The following MBNL3 variants were observed in gnomAD, a reference collection of about 807,000 sequenced individuals.
MBNL3 encodes the protein muscleblind like splicing regulator 3.
Under a neutral mutation model 24.5 loss-of-function variants are expected in MBNL3, and 6 were observed. That is an observed-to-expected ratio of 0.25 (90% confidence interval 0.13 to 0.48). The LOEUF (loss-of-function observed/expected upper bound fraction) is 0.48, where lower values mean the gene tolerates loss of function less well. MBNL3 is among the 20% of genes least tolerant of loss of function. The pLI is 0.99. For synonymous variants in MBNL3, 100 were observed against 101.7 expected, an observed-to-expected ratio of 0.98 and a Z score of 0.10; for missense variants, 230 against 293.5, an observed-to-expected ratio of 0.78 and a Z score of 1.58.
intron 1 of MBNL3, among the ~76,000 whole-genome samples, chrX:132,461,403 TAA>T (rs1048696437): frequency 9.0e-6 from 1 of 111,634 alleles, no homozygotes; most frequent in Non-Finnish European, 1.9e-5. Flanking sequence ...CACACAAGGC[TAA>T]GATACCATGA....
intron 1 of MBNL3, among the ~76,000 whole-genome samples, chrX:132,443,486 C>T (rs927341248): frequency 8.0e-5 from 9 of 111,929 alleles, no homozygotes; most frequent in African/African-American, 2.3e-4. Context: ...TCATAATCTC[C>T]GTAAGTTGTG....
chrX:132,488,128 T>C (rs1948103699), intron 1 of MBNL3, among the ~76,000 whole-genome samples: 1 of 111,948 alleles, frequency 8.9e-6, no homozygotes. Context: ...TAAGAACATC[T>C]AGGAGAAAAT....
intron 3 of MBNL3, among the ~76,000 whole-genome samples, chrX:132,400,390 G>A (rs145178563): frequency 4.5e-5 from 5 of 111,274 alleles, no homozygotes; most frequent in South Asian, 3.8e-4. Flanking sequence ...TTGTTTTAAC[G>A]TAAAAGAAGC....
chrX:132,375,013 T>C lies in MBNL3; in HGVS notation c.*4653A>G, dbSNP rs2148006699. On this transcript the variant is annotated 3_prime_UTR_variant, in exon 9 of 9. Transcript: ENST00000370853. ...AACAAATTCTATAAACTATAAAGCC[T>C]GATTCTAGAATCCATGTGTTATAAA... The C allele has an allele frequency of 8.9e-6, 1 of 111,905 alleles. No homozygotes were observed. The highest frequency in any genetic ancestry group is 3.7e-4 in the South Asian group (1 of 2,724). 9.2% of individuals were successfully genotyped at this position (111,905 alleles called of 1,213,427 possible). A position where few individuals can be genotyped will look rare whatever the true frequency, so the allele number is the denominator to read the frequency against.
chrX:132,384,820 C>T (rs774340069), intron 6 of MBNL3, 122 bp from the exon 7 acceptor site: 23 of 490,723 alleles, frequency 4.7e-5, no homozygotes, highest in Admixed American at 1.1e-4. Flanking sequence ...TCAGCACATG[C>T]AAGTCCAACA....
In MBNL3 at chrX:132,375,668, A is replaced by G. The variant is rs1934073109; in HGVS notation, c.*3998T>C. The G allele has an allele frequency of 9.0e-6, 1 of 111,673 alleles. No homozygotes were observed. The highest frequency in any genetic ancestry group is 9.5e-5 in the Admixed American group (1 of 10,512). The allele number at this position is 111,673 out of a possible 1,213,427, so 9.2% of individuals were successfully genotyped here. On this transcript the variant is annotated 3_prime_UTR_variant, in exon 9 of 9. Coordinates refer to ENST00000370853, the MANE Select transcript of MBNL3 (RefSeq NM_001386889.1). ...ACAAGGCTACTGTCTTAGTATATCT[A>G]TTCATCAGAATTGGGAAATCAGATT...
rs1249947530 is a variant in MBNL3 at position 132,377,936 on chromosome X, T to C, written c.*1730A>G. Reference sequence around the variant, plus strand: ...GTGTTTCCACCACTGTATAATAACATTAATAAATGAGTAGAGTGGATGAGA... The same window carrying C: ...GTGTTTCCACCACTGTATAATAACACTAATAAATGAGTAGAGTGGATGAGA... On this transcript the variant is annotated 3_prime_UTR_variant, in exon 9 of 9. Coordinates refer to ENST00000370853, the MANE Select transcript of MBNL3 (RefSeq NM_001386889.1). 1 of 110,512 alleles carries C rather than the reference T, an allele frequency of 9.0e-6. No individual in the cohort carries two copies. The highest frequency in any genetic ancestry group is 1.9e-5 in the Non-Finnish European group (1 of 52,845). 9.1% of individuals were successfully genotyped at this position (110,512 alleles called of 1,213,427 possible). A position where few individuals can be genotyped will look rare whatever the true frequency, so the allele number is the denominator to read the frequency against.
In MBNL3 at chrX:132,376,558, A is replaced by T. The variant is rs1934164919; in HGVS notation, c.*3108T>A. 9.0e-6 allele frequency: 1 copy of T among 111,438 alleles called. No individual in the cohort carries two copies. The highest frequency in any genetic ancestry group is 1.9e-5 in the Non-Finnish European group (1 of 52,943). 9.2% of individuals were successfully genotyped at this position (111,438 alleles called of 1,213,427 possible). On this transcript the variant is annotated 3_prime_UTR_variant, in exon 9 of 9. Transcript: ENST00000370853. ...AAATGGACAAAAACAATAAATTTGGATAAATAGAGGCCCCTGTAAAATACA... is the reference window on the plus strand; with the variant it reads ...AAATGGACAAAAACAATAAATTTGGTTAAATAGAGGCCCCTGTAAAATACA...
At chrX:132,405,439 T>C (rs1466512329) in intron 3 of MBNL3, among the ~76,000 whole-genome samples, 2 of 111,950 alleles carry the variant, frequency 1.8e-5, no homozygotes, top group Admixed American at 1.9e-4. Context: ...GTGATTCCAG[T>C]TTCTTGCTTT....
intron 1 of MBNL3, among the ~76,000 whole-genome samples, chrX:132,457,472 A>G (rs890854024): frequency 6.3e-5 from 7 of 111,078 alleles, no homozygotes; most frequent in Non-Finnish European, 1.3e-4. Context: ...AGGAGGAGTC[A>G]TGGCTTAAAT....
rs1488700087 is a variant in MBNL3, at chrX:132,406,216, G to C, written c.342+12C>G. Reference sequence around the variant, plus strand: ...CTTTATCGGCAATTTTCAAAATATAGCTGCGACTTACAAGTGATGACATTT... The same window carrying C: ...CTTTATCGGCAATTTTCAAAATATACCTGCGACTTACAAGTGATGACATTT... On this transcript the variant is annotated intron_variant, in intron 3 of 8. Transcript: ENST00000370853. 6 of 1,210,471 alleles carry C rather than the reference G, an allele frequency of 5.0e-6. No homozygotes were observed. In the South Asian group the frequency reaches 1.1e-4, roughly 21 times the overall value.
chrX:132,459,118 A>C (rs1381808721), intron 1 of MBNL3, among the ~76,000 whole-genome samples: 1 of 103,971 alleles, frequency 9.6e-6, no homozygotes, highest in African/African-American at 3.5e-5. Flanking sequence ...ATTCTCAATA[A>C]ATACTAGTTG....
intron 2 of MBNL3, chrX:132,413,404 C>T: frequency 2.2e-6 from 2 of 894,842 alleles, no homozygotes; most frequent in African/African-American, 4.0e-5. Context: ...TCTGGCAGCC[C>T]TCTCCCGCTC....
At chrX:132,418,576 A>G (rs1357893233) in intron 2 of MBNL3, among the ~76,000 whole-genome samples, 2 of 112,003 alleles carry the variant, frequency 1.8e-5, no homozygotes, top group African/African-American at 3.2e-5. Context: ...TCTGGGCCAC[A>G]CTTTCCCTCT....
chrX:132,467,702 G>C (rs1378873917), intron 1 of MBNL3, among the ~76,000 whole-genome samples: 1 of 111,966 alleles, frequency 8.9e-6, no homozygotes, highest in South Asian at 3.7e-4. Flanking sequence ...GTCGCACATA[G>C]TATAGCATCT....
chrX:132,412,563 C>T (rs1169566453), intron 2 of MBNL3, among the ~76,000 whole-genome samples: 1 of 112,248 alleles, frequency 8.9e-6, no homozygotes, highest in African/African-American at 3.2e-5. Context: ...GCTTTGTTTA[C>T]GTTAAACATT....
chrX:132,459,756 C>T (rs1946541060), intron 1 of MBNL3, among the ~76,000 whole-genome samples: 1 of 111,744 alleles, frequency 8.9e-6, no homozygotes, highest in Admixed American at 9.5e-5. Flanking sequence ...TCACAAAGAC[C>T]TGAATTTGAA....
chrX:132,394,183 A>G (rs1404859375), intron 3 of MBNL3, among the ~76,000 whole-genome samples: 6 of 111,763 alleles, frequency 5.4e-5, no homozygotes, highest in African/African-American at 1.9e-4. Context: ...TGGTGTAGTC[A>G]GGAGAAGGAC....
intron 1 of MBNL3, among the ~76,000 whole-genome samples, chrX:132,447,346 G>C (rs1217613353): frequency 8.9e-6 from 1 of 111,872 alleles, no homozygotes; most frequent in East Asian, 2.8e-4. Flanking sequence ...ACTTTGGGCA[G>C]TATGGCCATT....
Sources: allele counts gnomAD v4.1 joint callset (sites outside exome capture counted in the v4.1 genomes callset), GRCh38; gene constraint gnomAD v4.1.1; transcripts MANE v1.5; gene names NCBI Gene and HGNC (gene_info 2026-07-23, HGNC 2026-07-21).